Variants in CBLB observed in about 807,000 individuals in gnomAD.
CBLB encodes E3 ubiquitin-protein ligase CBL-B.
CBLB carries 31 observed loss-of-function variants against 104.9 expected under a neutral mutation model. The ratio of observed to expected loss-of-function variants is 0.30; its 90% CI spans 0.22 to 0.40. The LOEUF is 0.40. Ranked by LOEUF, CBLB falls within the 10% of genes least tolerant of loss-of-function variation. The pLI is 1.00. For synonymous variants in CBLB, 440 were observed against 422.6 expected, an observed-to-expected ratio of 1.04 and a Z score of -0.51; for missense variants, 1,062 against 1,214.6, an observed-to-expected ratio of 0.87 and a Z score of 1.87.
At chr3:105,736,363 A>C (rs2074937263) in intron 8 of CBLB, among the ~76,000 whole-genome samples, 1 of 152,118 alleles carries the variant, frequency 6.6e-6, no homozygotes, top group African/African-American at 2.4e-5. Context: ...TTCCTTACAG[A>C]AGTTGAACGT....
chr3:105,702,473 A>ACAC lies in CBLB; in HGVS notation c.1594-15_1594-14insGTG. On this transcript the variant is annotated splice_polypyrimidine_tract_variant and intron_variant, in intron 11 of 18. Coordinates refer to ENST00000394030, the MANE Select transcript of CBLB (RefSeq NM_170662.5). ...GCAAGGAGAAGACTAAAGAAACAGA[A>ACAC]GAGAAAAAAAAAAAAAAAAAAAAAA... 2.0e-6 allele frequency: 2 copies of ACAC among 1,010,816 alleles called. No homozygotes were observed. The highest frequency in any genetic ancestry group is 1.4e-6 in the Non-Finnish European group (1 of 733,446). 62.6% of individuals were successfully genotyped at this position (1,010,816 alleles called of 1,614,324 possible). A position where few individuals can be genotyped will look rare whatever the true frequency, so the allele number is the denominator to read the frequency against.
chr3:105,735,226 CAT>C (rs2074784300), intron 8 of CBLB, among the ~76,000 whole-genome samples: 1 of 152,132 alleles, frequency 6.6e-6, no homozygotes, highest in Non-Finnish European at 1.5e-5. Flanking sequence ...CAGGTACACA[CAT>C]GTACACATAA....
At chr3:105,735,759 A>G (rs544765998) in intron 8 of CBLB, among the ~76,000 whole-genome samples, 21 of 152,310 alleles carry the variant, frequency 1.4e-4, no homozygotes, top group South Asian at 6.2e-4. Context: ...GATCCTGACC[A>G]ACATGGAGAA....
chr3:105,855,818 A>G (rs2091531210), intron 2 of CBLB, among the ~76,000 whole-genome samples: 1 of 152,260 alleles, frequency 6.6e-6, no homozygotes, highest in Admixed American at 6.5e-5. Context: ...ATTCTAAAAA[A>G]AATTCACTTT....
intron 4 of CBLB, among the ~76,000 whole-genome samples, chr3:105,769,159 CA>C (rs34999602): frequency 0.13 from 20,420 of 151,390 alleles, 1,637 homozygotes; most frequent in East Asian, 0.41. Flanking sequence ...ACTAAACATA[CA>C]AAAAAAACAT....
intron 6 of CBLB, among the ~76,000 whole-genome samples, chr3:105,742,866 T>C (rs971905061): frequency 3.3e-5 from 5 of 151,794 alleles, no homozygotes; most frequent in African/African-American, 1.2e-4. Context: ...ACTTGTGAAA[T>C]TGCTCACATT....
chr3:105,718,080 A>G (rs1300184682), intron 10 of CBLB, among the ~76,000 whole-genome samples: 2 of 152,138 alleles, frequency 1.3e-5, no homozygotes, highest in African/African-American at 2.4e-5. Flanking sequence ...CCTTAAGTTA[A>G]CTTTGTTTTG....
chr3:105,665,442 T>TATACACAC (rs1182735970), intron 18 of CBLB, among the ~76,000 whole-genome samples: 5 of 67,230 alleles, frequency 7.4e-5, no homozygotes, highest in African/African-American at 2.4e-4. Context: ...TATATATATA[T>TATACACAC]ACACACACAC....
At chr3:105,777,308 A>G (rs1318677343) in intron 3 of CBLB, among the ~76,000 whole-genome samples, 2 of 152,198 alleles carry the variant, frequency 1.3e-5, no homozygotes, top group Non-Finnish European at 2.9e-5. Context: ...GGCAATTCTA[A>G]TGTGCTTTCC....
At chr3:105,851,619 GAGGAGAT>G (rs1404508528) in intron 3 of CBLB, among the ~76,000 whole-genome samples, 1 of 152,196 alleles carries the variant, frequency 6.6e-6, no homozygotes, top group Non-Finnish European at 1.5e-5. Context: ...TGCTTGGGCA[GAGGAGAT>G]TTATGGGAAC....
intron 17 of CBLB, among the ~76,000 whole-genome samples, chr3:105,675,701 T>C (rs757854024): frequency 1.6e-4 from 24 of 151,858 alleles, no homozygotes; most frequent in Non-Finnish European, 2.9e-4. Flanking sequence ...CTGGCCAACA[T>C]GGCAAAACCC....
intron 4 of CBLB, among the ~76,000 whole-genome samples, chr3:105,765,731 G>A (rs1371410232): frequency 6.6e-6 from 1 of 152,164 alleles, no homozygotes; most frequent in African/African-American, 2.4e-5. Context: ...ATGCTGTGTA[G>A]AGAAAACAAT....
chr3:105,771,842 T>C (rs976602869), intron 4 of CBLB, among the ~76,000 whole-genome samples: 1 of 151,916 alleles, frequency 6.6e-6, no homozygotes, highest in Non-Finnish European at 1.5e-5. Flanking sequence ...AGGTGAAAGA[T>C]CTCTAGAAGG....
At chr3:105,767,235 C>G (rs1452815436) in intron 4 of CBLB, among the ~76,000 whole-genome samples, 1 of 151,878 alleles carries the variant, frequency 6.6e-6, no homozygotes, top group African/African-American at 2.4e-5. Flanking sequence ...TACTGTGTAC[C>G]ACTTCTTTTA....
intron 9 of CBLB, among the ~76,000 whole-genome samples, chr3:105,729,186 A>C (rs947636657): frequency 5.3e-5 from 8 of 152,130 alleles, no homozygotes; most frequent in Admixed American, 1.3e-4. Context: ...TAGCAGCCAT[A>C]ATTAAATTTG....
In CBLB at chr3:105,745,924, G is replaced by T. The variant is rs767483919; in HGVS notation, c.838C>A (p.Pro280Thr). 1 of 1,611,650 alleles carries T rather than the reference G, an allele frequency of 6.2e-7. No homozygotes were observed. Among genetic ancestry groups the T allele is most frequent in the Non-Finnish European group, 8.5e-7 (1 of 1,177,892 alleles). Residue 280 changes from proline (P) to threonine (T), a missense_variant, in exon 6 of 19, where the codon CCC becomes ACC. Coordinates refer to ENST00000394030, the MANE Select transcript of CBLB (RefSeq NM_170662.5). ...ACTGCTAAAAAGTCTTACCTTCCGG[G>T]TTTGGTGCTATATTTCTGTAGTCGT... ...KARLQKYSTKPGSYIFRLSCT... is the reference protein window; with the variant it reads ...KARLQKYSTKTGSYIFRLSCT...
At chr3:105,828,129 C>T (rs897198591) in intron 3 of CBLB, among the ~76,000 whole-genome samples, 2 of 152,308 alleles carry the variant, frequency 1.3e-5, no homozygotes, top group East Asian at 1.9e-4. Flanking sequence ...ACTCATAACC[C>T]TGTTCACATT....
chr3:105,856,166 A>G (rs943272978), intron 2 of CBLB, among the ~76,000 whole-genome samples: 5 of 152,032 alleles, frequency 3.3e-5, no homozygotes, highest in Admixed American at 3.3e-4. Context: ...CCTGGCCAAC[A>G]TGGTGAAACC....
intron 3 of CBLB, among the ~76,000 whole-genome samples, chr3:105,833,779 G>A (rs2153082567): frequency 6.6e-6 from 1 of 151,302 alleles, no homozygotes; most frequent in African/African-American, 2.4e-5. Flanking sequence ...TGAAATCTTG[G>A]AACAACACAA....
Sources: gnomAD v4.1 joint callset for allele counts (sites outside exome capture counted in the v4.1 genomes callset) on GRCh38, gnomAD v4.1.1 for gene constraint, MANE v1.5 for transcripts, NCBI Gene and HGNC (gene_info 2026-07-23, HGNC 2026-07-21) for gene names.